SESN3: variants seen among roughly 807,000 people sequenced by gnomAD.
The protein encoded by SESN3 is sestrin-3.
Under a neutral mutation model 55.3 loss-of-function variants are expected in SESN3, and 21 were observed. The observed-to-expected ratio is 0.38, with a 90% CI of 0.27 to 0.55. The LOEUF is 0.55. Ranked by LOEUF, SESN3 falls within the 20% of genes least tolerant of loss-of-function variation. The pLI, the probability that SESN3 is intolerant of heterozygous loss-of-function variation, is 0.76. For synonymous variants in SESN3, 181 were observed against 203.1 expected (o/e 0.89, Z 0.93); for missense variants, 408 against 604.3 (o/e 0.68, Z 3.41).
rs764529249 is a variant in SESN3, at chr11:95,189,868, C to T, written c.436G>A (p.Glu146Lys). Residue 146 changes from glutamate to lysine, a missense_variant, in exon 4 of 10, where the codon GAA becomes AAA. Around this residue, in one of 4 missense-constraint regions of SESN3, gnomAD observed 107 missense variants for 211.3 expected, o/e 0.51. Coordinates refer to ENST00000536441, the MANE Select transcript of SESN3 (RefSeq NM_144665.4). ...TTTTTCAGTCTTTGTGGCACATATT[C>T]CAAACCATTCAACCACTCAGCAATA... ...GGIAEWLNGL[E>K]YVPQRLKNLN... 27 of 1,611,488 alleles carry T rather than the reference C, an allele frequency of 1.7e-5. No individual in the cohort carries two copies. Among genetic ancestry groups the T allele is most frequent in the Non-Finnish European group, 2.3e-5 (27 of 1,178,546 alleles).
At chr11:95,225,084 AT>A (rs1393644078) in intron 1 of SESN3, among the ~76,000 whole-genome samples, 1 of 152,096 alleles carries the variant, frequency 6.6e-6, no homozygotes, top group Non-Finnish European at 1.5e-5. Context: ...TGATATTGAA[AT>A]TTTTTCCCCA....
intron 4 of SESN3, among the ~76,000 whole-genome samples, chr11:95,186,562 T>C (rs894450373): frequency 1.3e-5 from 2 of 151,878 alleles, no homozygotes; most frequent in African/African-American, 2.4e-5. Context: ...GTAGGATGAC[T>C]ATAGTTAACA....
chr11:95,191,475 G>A lies in SESN3; in HGVS notation c.271C>T (p.Arg91Trp), dbSNP rs781016923. The A allele has an allele frequency of 8.1e-6, 13 of 1,612,866 alleles. No homozygotes were observed. The highest frequency in any genetic ancestry group is 3.3e-5 in the Admixed American group (2 of 59,818). ...LHTQYLESFL[R>W]SQFYMLRMDG... Reference sequence around the variant, plus strand: ...ATGCGCAACATGTAAAACTGGCTCCGCAAGAAAGACTCCAGGTACTGAGTG... The same window carrying A: ...ATGCGCAACATGTAAAACTGGCTCCACAAGAAAGACTCCAGGTACTGAGTG... The change falls in exon 3 of 10, where the codon CGG becomes TGG. Residue 91 changes from arginine (R) to tryptophan (W), a missense_variant. By Grantham distance (101) the Arg-to-Trp change is moderately radical. Coordinates refer to ENST00000536441, the MANE Select transcript of SESN3 (RefSeq NM_144665.4).
chr11:95,208,967 C>T (rs1352583119), intron 1 of SESN3, among the ~76,000 whole-genome samples: 2 of 151,448 alleles, frequency 1.3e-5, no homozygotes, highest in African/African-American at 4.8e-5. Context: ...CATAAAAACC[C>T]TAGAAGAAAA....
chr11:95,230,441 G>T lies in SESN3; in HGVS notation c.78+342C>A. On this transcript the variant is annotated intron_variant, in intron 1 of 9. Coordinates refer to ENST00000536441, the MANE Select transcript of SESN3 (RefSeq NM_144665.4). The surrounding 1 kb of genome is among the most constrained non-coding windows in gnomAD (Gnocchi z 4.6). The stretch of plus-strand genomic sequence containing the variant: ...CAACAGCTAAACTGCACAGGGAGGA[G>T]GATCGAACGGATCCCTCCCGCCCTC... The T allele has an allele frequency of 3.5e-6, 1 of 281,724 alleles. No homozygotes were observed. The highest frequency in any genetic ancestry group is 3.7e-5 in the South Asian group (1 of 27,046). The allele number at this position is 281,724 out of a possible 1,614,324, so 17.5% of individuals were successfully genotyped here.
chr11:95,192,281 G>A (rs1860283514), intron 2 of SESN3, among the ~76,000 whole-genome samples: 2 of 152,070 alleles, frequency 1.3e-5, no homozygotes, highest in South Asian at 4.2e-4. Flanking sequence ...TTTATATATA[G>A]CTTCACACAC....
At chr11:95,231,370 C>T (rs1198263500), upstream of SESN3, 3 of 379,816 alleles carry the variant, frequency 7.9e-6, no homozygotes, top group Non-Finnish European at 9.3e-6. Context: ...CCGAGGAAGC[C>T]TTGAATCTCC....
rs139082756 is a variant in SESN3, at chr11:95,188,237, G to A, written c.525+1542C>T. Among the ~76,000 whole-genome samples the A allele has an allele frequency of 1.9e-4, 29 of 151,508 alleles. 1 individual carries two copies. In the East Asian group the frequency reaches 5.6e-3, roughly 29 times the overall value. ...AACAATTGGGAAAGGTCCAACCCCA[G>A]ATATTACGTATATTTATTTGTAAAT... On this transcript the variant is annotated intron_variant, in intron 4 of 9. Transcript: ENST00000536441.
intron 1 of SESN3, among the ~76,000 whole-genome samples, chr11:95,222,219 G>C (rs1446321213): frequency 6.6e-6 from 1 of 152,118 alleles, no homozygotes; most frequent in Non-Finnish European, 1.5e-5. Flanking sequence ...TAAGGCTGGT[G>C]TCTTGACCCT....
In SESN3 at chr11:95,172,551, C is replaced by T. The variant is rs1859870456; in HGVS notation, c.*704G>A. On this transcript the variant is annotated 3_prime_UTR_variant, in exon 10 of 10. Transcript: ENST00000536441. ...CCATTTTAGAAGAGAAAGAAAATAGCTGAATTTGGCATTTCAGTAGCATGC... is the reference window on the plus strand; with the variant it reads ...CCATTTTAGAAGAGAAAGAAAATAGTTGAATTTGGCATTTCAGTAGCATGC... 6.6e-6 allele frequency: 1 copy of T among 152,112 alleles called. No homozygotes were observed. The highest frequency in any genetic ancestry group is 2.4e-5 in the African/African-American group (1 of 41,422). 9.4% of individuals were successfully genotyped at this position (152,112 alleles called of 1,614,324 possible).
At chr11:95,228,309 G>T (rs925515850) in intron 1 of SESN3, among the ~76,000 whole-genome samples, 1 of 152,110 alleles carries the variant, frequency 6.6e-6, no homozygotes, top group Non-Finnish European at 1.5e-5. Flanking sequence ...CCATATAAAG[G>T]TGACCCTTCT....
intron 4 of SESN3, among the ~76,000 whole-genome samples, chr11:95,189,044 G>A (rs1218934631): frequency 6.6e-6 from 1 of 151,846 alleles, no homozygotes; most frequent in African/African-American, 2.4e-5. Flanking sequence ...AGTCTAACAA[G>A]AGGATCCAAA....
intron 4 of SESN3, 84 bp downstream of exon 4, chr11:95,189,695 T>G (rs1860231099): frequency 1.1e-6 from 1 of 930,676 alleles, no homozygotes; most frequent in African/African-American, 1.7e-5. Flanking sequence ...GACACTATTA[T>G]TTATGTTCCA....
chr11:95,180,343 G>A (rs1281025333), intron 6 of SESN3, among the ~76,000 whole-genome samples: 1 of 152,084 alleles, frequency 6.6e-6, no homozygotes. Context: ...CTTTGCTATT[G>A]CATGAACATC....
At chr11:95,209,888 G>A (rs1860619453) in intron 1 of SESN3, among the ~76,000 whole-genome samples, 1 of 150,296 alleles carries the variant, frequency 6.7e-6, no homozygotes, top group African/African-American at 2.4e-5. Flanking sequence ...GTGGTGGTGT[G>A]CACCTGTAGT....
rs962882262 is a variant in SESN3, at chr11:95,167,220, T to C, written c.*6035A>G. On this transcript the variant is annotated 3_prime_UTR_variant, in exon 10 of 10. Transcript: ENST00000536441. ...TATAGGCCAGAGAGATTCTCTCTGA[T>C]ATTCTTTCGGTAGAAATTATACATT... The C allele has an allele frequency of 3.3e-5, 5 of 152,222 alleles. No individual in the cohort carries two copies. Among genetic ancestry groups the C allele is most frequent in the Non-Finnish European group, 5.9e-5 (4 of 68,028 alleles). 9.4% of individuals were successfully genotyped at this position (152,222 alleles called of 1,614,324 possible).
Position 95,173,176 on chromosome 11 carries a change from G to T in SESN3, c.*79C>A. ...ACTAGAGAACTGAATAATTTTTGAT[G>T]CTATATCACAAATAGCTTCAATGTT... On this transcript the variant is annotated 3_prime_UTR_variant, in exon 10 of 10. Coordinates refer to ENST00000536441, the MANE Select transcript of SESN3 (RefSeq NM_144665.4). 2 of 774,172 alleles carry T rather than the reference G, an allele frequency of 2.6e-6. No individual in the cohort carries two copies. Among genetic ancestry groups the T allele is most frequent in the Non-Finnish European group, 2.1e-6 (1 of 475,208 alleles). 48.0% of individuals were successfully genotyped at this position (774,172 alleles called of 1,614,324 possible). A position where few individuals can be genotyped will look rare whatever the true frequency, so the allele number is the denominator to read the frequency against.
chr11:95,191,272 TA>T (rs1468691102), intron 3 of SESN3, 131 bp downstream of exon 3: 2 of 719,060 alleles, frequency 2.8e-6, no homozygotes, highest in African/African-American at 3.5e-5. Flanking sequence ...CAAAAGGCCA[TA>T]GGCTTCTTCA....
chr11:95,214,791 T>C (rs897425376), intron 1 of SESN3, among the ~76,000 whole-genome samples: 5 of 152,160 alleles, frequency 3.3e-5, no homozygotes, highest in African/African-American at 1.2e-4. Context: ...TAATCTAAGA[T>C]GGAAAGACCT....
Sources: gnomAD v4.1 joint callset for allele counts (sites outside exome capture counted in the v4.1 genomes callset) on GRCh38, gnomAD v4.1.1 for gene constraint, gnomAD v4.1.1 regional missense constraint, Gnocchi (gnomAD v3.1) non-coding constraint, MANE v1.5 for transcripts, NCBI Gene and HGNC (gene_info 2026-07-23, HGNC 2026-07-21) for gene names.